Variants in NECAB1 observed in about 807,000 individuals in gnomAD.
The protein encoded by NECAB1 is N-terminal EF-hand calcium binding protein 1, also known as N-terminal EF-hand calcium-binding protein 1.
A neutral mutation model predicts 57.5 loss-of-function variants in NECAB1; 29 were observed. The ratio of observed to expected loss-of-function variants is 0.50; its 90% CI spans 0.38 to 0.69. NECAB1 has a LOEUF of 0.69. Among genes scored for constraint, NECAB1 ranks in the 30% least tolerant of loss-of-function variants. The probability of loss-of-function intolerance (pLI) is 0.00; values close to 1 mark genes in which losing one functional copy is unlikely to be tolerated. For missense variants in NECAB1, 372 were observed against 413.8 expected, an observed-to-expected ratio of 0.90 and a Z score of 0.88; for synonymous variants, 142 against 147.7, an observed-to-expected ratio of 0.96 and a Z score of 0.28.
chr8:90,900,158 G>A (rs994362387), intron 5 of NECAB1, among the ~76,000 whole-genome samples: 5 of 152,034 alleles, frequency 3.3e-5, no homozygotes, highest in Non-Finnish European at 7.4e-5. Flanking sequence ...GCAGTTGTTC[G>A]GGAGTAGAGC....
Position 90,906,232 on chromosome 8 carries a change from C to T in NECAB1, c.358-11260C>T, listed in dbSNP as rs576887620. Among the ~76,000 whole-genome samples the T allele has an allele frequency of 8.5e-5, 13 of 152,212 alleles. No individual in the cohort carries two copies. In the South Asian group the frequency reaches 2.7e-3, roughly 32 times the overall value. On this transcript the variant is annotated intron_variant, in intron 5 of 12. Transcript: ENST00000417640. The stretch of plus-strand genomic sequence containing the variant: ...GAGTTAATCTCTCAGTTTTGGGCTT[C>T]CCTGAATATGCAGGTATAGGAGTTC...
chr8:90,849,050 C>T (rs986505004), intron 3 of NECAB1, among the ~76,000 whole-genome samples: 1 of 152,170 alleles, frequency 6.6e-6, no homozygotes, highest in Admixed American at 6.5e-5. Flanking sequence ...CCTCCCACCC[C>T]ATGTCCCTCC....
chr8:90,872,213 T>G, intron 4 of NECAB1, 60 bp downstream of exon 4: 1 of 1,307,068 alleles, frequency 7.7e-7, no homozygotes, highest in South Asian at 1.4e-5. Flanking sequence ...AAAAGAGTAT[T>G]GTCTGATATA....
At chr8:90,849,449 A>G (rs1231552108) in intron 3 of NECAB1, among the ~76,000 whole-genome samples, 1 of 151,290 alleles carries the variant, frequency 6.6e-6, no homozygotes, top group Non-Finnish European at 1.5e-5. Context: ...ATCCTGGACA[A>G]CAGAGCAAAA....
chr8:90,850,758 A>G (rs1400602892), intron 3 of NECAB1, among the ~76,000 whole-genome samples: 1 of 152,216 alleles, frequency 6.6e-6, no homozygotes, highest in African/African-American at 2.4e-5. Flanking sequence ...ATTGTGATAT[A>G]ATTAAAATAT....
intron 5 of NECAB1, among the ~76,000 whole-genome samples, chr8:90,897,454 T>C (rs1009833499): frequency 6.6e-6 from 1 of 152,242 alleles, no homozygotes; most frequent in Non-Finnish European, 1.5e-5. Flanking sequence ...GTTACCTCTC[T>C]AGACCCTGAA....
At chr8:90,826,105 A>G (rs1041536239) in intron 3 of NECAB1, among the ~76,000 whole-genome samples, 12 of 151,860 alleles carry the variant, frequency 7.9e-5, no homozygotes, top group African/African-American at 2.9e-4. Context: ...CAAATTCCTT[A>G]GGTAAAGAAA....
chr8:90,889,711 T>C (rs2129940899), intron 5 of NECAB1, among the ~76,000 whole-genome samples: 1 of 152,338 alleles, frequency 6.6e-6, no homozygotes, highest in Non-Finnish European at 1.5e-5. Flanking sequence ...GGGCTGCTCC[T>C]ATGATATAGT....
chr8:90,935,473 T>C (rs1250587514), intron 9 of NECAB1, among the ~76,000 whole-genome samples: 1 of 152,098 alleles, frequency 6.6e-6, no homozygotes, highest in Admixed American at 6.6e-5. Flanking sequence ...CATTTTAAAA[T>C]GGTAGACTTT....
intron 1 of NECAB1, among the ~76,000 whole-genome samples, chr8:90,796,572 G>A (rs937892126): frequency 5.3e-5 from 8 of 152,162 alleles, no homozygotes; most frequent in African/African-American, 1.9e-4. Context: ...GGCCATCAAA[G>A]AATATTTTTG....
chr8:90,851,072 C>T (rs935074435), intron 3 of NECAB1, among the ~76,000 whole-genome samples: 1 of 152,104 alleles, frequency 6.6e-6, no homozygotes, highest in African/African-American at 2.4e-5. Context: ...ATAATGAGGC[C>T]TCCATGAAAA....
chr8:90,934,302 A>G lies in NECAB1; in HGVS notation c.694-2A>G. On this transcript the variant is annotated splice_acceptor_variant, in intron 8 of 12. Transcript: ENST00000417640. LOFTEE classifies it high-confidence loss of function. ...TTCTGCCATTTCTTCCTCTTATTGA[A>G]GGATCTCAAACTCGAACCACCAGAA... 6.6e-7 allele frequency: 1 copy of G among 1,514,660 alleles called. No homozygotes were observed. The highest frequency in any genetic ancestry group is 2.2e-5 in the Admixed American group (1 of 44,894). 93.8% of individuals were successfully genotyped at this position (1,514,660 alleles called of 1,614,324 possible).
intron 2 of NECAB1, 136 bp from the exon 3 acceptor site, chr8:90,824,581 T>C (rs897883586): frequency 6.2e-6 from 3 of 486,436 alleles, no homozygotes; most frequent in African/African-American, 5.9e-5. Flanking sequence ...TTTTTCTTTT[T>C]AACACCTTCA....
intron 5 of NECAB1, among the ~76,000 whole-genome samples, chr8:90,911,876 A>G (rs567537367): frequency 3.3e-5 from 5 of 152,328 alleles, no homozygotes; most frequent in African/African-American, 1.2e-4. Flanking sequence ...ATTATGAGCT[A>G]GATACCCTAC....
At chr8:90,807,052 A>T (rs1811858757) in intron 2 of NECAB1, among the ~76,000 whole-genome samples, 1 of 152,172 alleles carries the variant, frequency 6.6e-6, no homozygotes, top group African/African-American at 2.4e-5. Context: ...CTACAAATAT[A>T]CAAATATAAT....
chr8:90,896,591 C>T (rs1423065654), intron 5 of NECAB1, among the ~76,000 whole-genome samples: 1 of 150,788 alleles, frequency 6.6e-6, no homozygotes, highest in African/African-American at 2.4e-5. Flanking sequence ...GGCGACAGAG[C>T]GAGACTCCGT....
intron 3 of NECAB1, among the ~76,000 whole-genome samples, chr8:90,836,570 C>G (rs1341344706): frequency 6.6e-6 from 1 of 152,184 alleles, no homozygotes; most frequent in Non-Finnish European, 1.5e-5. Context: ...TTTCCTCAAT[C>G]TTCCACCATC....
At chr8:90,885,003 A>C (rs888292202) in intron 5 of NECAB1, among the ~76,000 whole-genome samples, 10 of 152,184 alleles carry the variant, frequency 6.6e-5, no homozygotes, top group Non-Finnish European at 1.5e-4. Flanking sequence ...ATCAGACCCT[A>C]GTTATCCTGA....
chr8:90,874,467 C>G (rs1808678703), intron 4 of NECAB1, among the ~76,000 whole-genome samples: 1 of 152,212 alleles, frequency 6.6e-6, no homozygotes, highest in African/African-American at 2.4e-5. Context: ...TATAAGCTAA[C>G]ATGTCAATCT....
Sources: allele counts gnomAD v4.1 joint callset (sites outside exome capture counted in the v4.1 genomes callset), GRCh38; gene constraint gnomAD v4.1.1; transcripts MANE v1.5; gene names NCBI Gene and HGNC (gene_info 2026-07-23, HGNC 2026-07-21).